The following FBXL17 variants were observed in gnomAD, a reference collection of about 807,000 sequenced individuals.
FBXL17 encodes F-box/LRR-repeat protein 17.
A neutral mutation model predicts 66.2 loss-of-function variants in FBXL17; 22 were observed. The ratio of observed to expected loss-of-function variants is 0.33; its 90% CI spans 0.24 to 0.47. FBXL17 has a LOEUF of 0.47. Ranked by LOEUF, FBXL17 falls within the 20% of genes least tolerant of loss-of-function variation. The probability of loss-of-function intolerance (pLI) is 1.00; values close to 1 mark genes in which losing one functional copy is unlikely to be tolerated. For missense variants in FBXL17, 878 were observed against 948.2 expected, an observed-to-expected ratio of 0.93 and a Z score of 0.97; for synonymous variants, 474 against 400.5, an observed-to-expected ratio of 1.18 and a Z score of -2.19.
intron 5 of FBXL17, among the ~76,000 whole-genome samples, chr5:108,211,816 C>T (rs758654382): frequency 5.3e-5 from 8 of 152,030 alleles, no homozygotes; most frequent in Non-Finnish European, 1.0e-4. Flanking sequence ...TGGGGTTGCC[C>T]TTCTCGAGGA....
chr5:108,137,785 G>C (rs1322664976), intron 6 of FBXL17, among the ~76,000 whole-genome samples: 1 of 152,050 alleles, frequency 6.6e-6, no homozygotes, highest in African/African-American at 2.4e-5. Context: ...AATGTTTCTT[G>C]AACAAAATGA....
In FBXL17 at chr5:108,218,801, G is replaced by A. The variant is rs147279380; in HGVS notation, c.1614+5320C>T. Among the ~76,000 whole-genome samples the A allele has an allele frequency of 2.8e-3, 422 of 152,076 alleles. 4 individuals carry two copies. The highest frequency in any genetic ancestry group is 9.7e-3 in the African/African-American group (402 of 41,492). On this transcript the variant is annotated intron_variant, in intron 5 of 8. Transcript: ENST00000542267. ...TTATTTGTTTTCTTACTATTGAGTC[G>A]AGTTCCTTATATATTTTGGATAGTA...
At chr5:108,158,902 G>A (rs1192986843) in intron 6 of FBXL17, among the ~76,000 whole-genome samples, 1 of 152,014 alleles carries the variant, frequency 6.6e-6, no homozygotes, top group African/African-American at 2.4e-5. Flanking sequence ...AGTCTTTTTG[G>A]TTTTACATTT....
intron 5 of FBXL17, among the ~76,000 whole-genome samples, chr5:108,205,910 T>C (rs1021688612): frequency 2.6e-5 from 4 of 152,096 alleles, no homozygotes; most frequent in Non-Finnish European, 5.9e-5. Flanking sequence ...CTAATTTTTG[T>C]ATATTTAGTA....
intron 4 of FBXL17, among the ~76,000 whole-genome samples, chr5:108,286,685 A>G (rs1404100386): frequency 6.6e-6 from 1 of 152,098 alleles, no homozygotes; most frequent in African/African-American, 2.4e-5. Flanking sequence ...GGAAGAACCA[A>G]TATTGTTAAA....
chr5:107,920,351 T>A (rs1015568665), intron 7 of FBXL17, among the ~76,000 whole-genome samples: 6 of 152,150 alleles, frequency 3.9e-5, no homozygotes, highest in African/African-American at 1.4e-4. Context: ...ATTAAAGGCG[T>A]CTGCCACCAT....
intron 4 of FBXL17, among the ~76,000 whole-genome samples, chr5:108,300,188 GT>G (rs1758523183): frequency 6.6e-6 from 1 of 151,654 alleles, no homozygotes; most frequent in Non-Finnish European, 1.5e-5. Flanking sequence ...ATTTTCAAAA[GT>G]TTTACTCATT....
At chr5:107,909,232 A>G (rs1280734946) in intron 7 of FBXL17, among the ~76,000 whole-genome samples, 1 of 152,154 alleles carries the variant, frequency 6.6e-6, no homozygotes, top group Non-Finnish European at 1.5e-5. Context: ...GTGGATTCTG[A>G]GTACTTCAGA....
At chr5:108,363,359 A>G (rs1350716564) in intron 3 of FBXL17, among the ~76,000 whole-genome samples, 2 of 151,912 alleles carry the variant, frequency 1.3e-5, no homozygotes, top group Non-Finnish European at 1.5e-5. Flanking sequence ...ACCCAGCTAT[A>G]GCGGTCTTAA....
At chr5:107,905,432 T>G (rs73780452) in intron 7 of FBXL17, among the ~76,000 whole-genome samples, 3,417 of 152,270 alleles carry the variant, frequency 0.022, 124 homozygotes, top group African/African-American at 0.074. Flanking sequence ...TCTACTTTTT[T>G]TGTTGTTGTT....
chr5:108,281,236 A>G (rs945854677), intron 4 of FBXL17, among the ~76,000 whole-genome samples: 11 of 151,972 alleles, frequency 7.2e-5, no homozygotes, highest in Non-Finnish European at 2.9e-5. Flanking sequence ...AACACACTGA[A>G]CATTCTCCTA....
At chr5:108,166,579 T>C (rs1752425093) in intron 6 of FBXL17, among the ~76,000 whole-genome samples, 1 of 152,194 alleles carries the variant, frequency 6.6e-6, no homozygotes, top group South Asian at 2.1e-4. Context: ...TGTGATTTGA[T>C]ATGTTAACAA....
At chr5:108,131,328 T>C (rs1750923320) in intron 6 of FBXL17, among the ~76,000 whole-genome samples, 1 of 152,162 alleles carries the variant, frequency 6.6e-6, no homozygotes, top group African/African-American at 2.4e-5. Flanking sequence ...AAGAGTGATT[T>C]GTGAAAAATT....
At chr5:108,200,171 G>A (rs1753833564) in intron 5 of FBXL17, among the ~76,000 whole-genome samples, 1 of 152,098 alleles carries the variant, frequency 6.6e-6, no homozygotes, top group African/African-American at 2.4e-5. Flanking sequence ...TGCTACCTGA[G>A]TTAGAGAAGG....
intron 7 of FBXL17, among the ~76,000 whole-genome samples, chr5:107,883,741 A>C (rs1022202307): frequency 2.6e-5 from 4 of 152,176 alleles, no homozygotes; most frequent in African/African-American, 9.7e-5. Flanking sequence ...CGTACAGAGA[A>C]GGTTCTTAAA....
intron 6 of FBXL17, among the ~76,000 whole-genome samples, chr5:108,113,063 T>C (rs1750101975): frequency 6.6e-6 from 1 of 152,234 alleles, no homozygotes. Context: ...GTGATCAAGT[T>C]GACTGCAATC....
At chr5:107,909,145 T>G (rs1420180382) in intron 7 of FBXL17, among the ~76,000 whole-genome samples, 1 of 152,190 alleles carries the variant, frequency 6.6e-6, no homozygotes, top group Non-Finnish European at 1.5e-5. Flanking sequence ...TGTGAATCAA[T>G]GTAGATTGAG....
intron 7 of FBXL17, among the ~76,000 whole-genome samples, chr5:107,977,798 T>C (rs910329510): frequency 1.3e-5 from 2 of 152,218 alleles, no homozygotes; most frequent in Non-Finnish European, 2.9e-5. Context: ...AGTTTGTTCT[T>C]TGAATAAACA....
intron 7 of FBXL17, among the ~76,000 whole-genome samples, chr5:107,973,593 CCA>C (rs1752465140): frequency 6.6e-6 from 1 of 151,824 alleles, no homozygotes; most frequent in East Asian, 1.9e-4. Context: ...TGAATTTGTT[CCA>C]CAGTTTTGAA....
Sources: gnomAD v4.1 joint callset for allele counts (sites outside exome capture counted in the v4.1 genomes callset) on GRCh38, gnomAD v4.1.1 for gene constraint, MANE v1.5 for transcripts, NCBI Gene and HGNC (gene_info 2026-07-23, HGNC 2026-07-21) for gene names.